GLMN: variants seen among roughly 807,000 people sequenced by gnomAD.
The protein encoded by GLMN is glomulin.
GLMN carries 75 observed loss-of-function variants against 87.8 expected under a neutral mutation model. The observed-to-expected ratio is 0.85, with a 90% CI of 0.71 to 1.04. The LOEUF (loss-of-function observed/expected upper bound fraction) is 1.04, where lower values mean the gene tolerates loss of function less well. Ranked by LOEUF, GLMN falls within the 50% of genes least tolerant of loss-of-function variation. GLMN has a pLI of 0.00. For synonymous variants in GLMN, 206 were observed against 221.6 expected (o/e 0.93, Z 0.63); for missense variants, 588 against 658.8 (o/e 0.89, Z 1.18).
intron 5 of GLMN, among the ~76,000 whole-genome samples, chr1:92,289,603 A>C (rs909099688): frequency 1.2e-4 from 19 of 152,284 alleles, no homozygotes; most frequent in African/African-American, 4.3e-4. Flanking sequence ...TCCCTCTATC[A>C]GATTGTGAGA....
intron 7 of GLMN, among the ~76,000 whole-genome samples, chr1:92,283,667 AG>A (rs1467512413): frequency 1.3e-5 from 2 of 152,226 alleles, no homozygotes; most frequent in African/African-American, 4.8e-5. Context: ...TTAGGAAAAG[AG>A]GAAGTCAAAT....
chr1:92,250,458 T>TAAG (rs541784967), intron 16 of GLMN, among the ~76,000 whole-genome samples: 284 of 152,338 alleles, frequency 1.9e-3, no homozygotes, highest in African/African-American at 6.4e-3. Flanking sequence ...GAATTTATCC[T>TAAG]AAGTTTTTAG....
intron 16 of GLMN, among the ~76,000 whole-genome samples, chr1:92,258,119 AAAG>A (rs1402426760): frequency 6.6e-6 from 1 of 152,242 alleles, no homozygotes. Context: ...ACACTTCTCA[AAAG>A]AAGATATTTA....
rs1403015591 is a variant in GLMN at position 92,266,505 on chromosome 1, A to G, written c.1141-13T>C. On this transcript the variant is annotated splice_polypyrimidine_tract_variant and intron_variant, in intron 12 of 18. Transcript: ENST00000370360. ...AACTCTTTTTCCTCTAAAATGGAACAAACAATATTATTATATAAAATGAAT... is the reference window on the plus strand; with the variant it reads ...AACTCTTTTTCCTCTAAAATGGAACGAACAATATTATTATATAAAATGAAT... 3 of 1,457,636 alleles carry G rather than the reference A, an allele frequency of 2.1e-6. No individual in the cohort carries two copies. The highest frequency in any genetic ancestry group is 2.9e-6 in the Non-Finnish European group (3 of 1,040,936). 90.3% of individuals were successfully genotyped at this position (1,457,636 alleles called of 1,614,324 possible).
intron 15 of GLMN, 137 bp from the exon 16 acceptor site, chr1:92,263,063 AG>A: frequency 1.9e-6 from 1 of 518,142 alleles, no homozygotes; most frequent in Non-Finnish European, 3.5e-6. Flanking sequence ...CTTTTTGAGT[AG>A]TAATAACTTA....
chr1:92,316,292 A>T, the GLMN span, among the ~76,000 whole-genome samples: 2 of 152,186 alleles, frequency 1.3e-5, no homozygotes, highest in South Asian at 4.1e-4. Flanking sequence ...CTGCAGAACA[A>T]CTATAACCTC....
chr1:92,336,519 TA>T, the GLMN span: 1 of 799,040 alleles, frequency 1.3e-6, no homozygotes, highest in Non-Finnish European at 2.1e-6. Flanking sequence ...GTAAGTGACT[TA>T]CCTTTCAATG....
chr1:92,302,128 A>G (rs183300477), upstream of GLMN, among the ~76,000 whole-genome samples: 121 of 152,178 alleles, frequency 8.0e-4, 1 homozygote, highest in African/African-American at 2.3e-3. Context: ...TAAAAATACA[A>G]AATTAGCCAG....
At chr1:92,288,643 C>T (rs571658247) in intron 6 of GLMN, among the ~76,000 whole-genome samples, 3 of 152,066 alleles carry the variant, frequency 2.0e-5, no homozygotes, top group African/African-American at 7.2e-5. Context: ...TGCCAAGGCT[C>T]GTCTCAAACT....
intron 16 of GLMN, among the ~76,000 whole-genome samples, chr1:92,256,369 TAGAA>T (rs1654251654): frequency 6.6e-6 from 1 of 151,626 alleles, no homozygotes; most frequent in African/African-American, 2.4e-5. Flanking sequence ...TTCCAAACAA[TAGAA>T]AAAGAGGGAC....
At chr1:92,270,375 A>T (rs1397357037) in intron 8 of GLMN, among the ~76,000 whole-genome samples, 2 of 152,210 alleles carry the variant, frequency 1.3e-5, no homozygotes, top group African/African-American at 2.4e-5. Flanking sequence ...AAGTAGTTAG[A>T]TCTTCAGTGG....
chr1:92,254,710 T>C (rs187048701), intron 16 of GLMN, among the ~76,000 whole-genome samples: 1 of 152,334 alleles, frequency 6.6e-6, no homozygotes, highest in Admixed American at 6.5e-5. Context: ...AAGGAAATGC[T>C]GAGAGATTTT....
At chr1:92,257,491 AAACT>A (rs1654420760) in intron 16 of GLMN, among the ~76,000 whole-genome samples, 2 of 152,354 alleles carry the variant, frequency 1.3e-5, no homozygotes, top group Middle Eastern at 3.4e-3. Flanking sequence ...ACCTGACTTC[AAACT>A]ATACTACAGG....
chr1:92,273,150 G>A (rs1656425280), intron 7 of GLMN, among the ~76,000 whole-genome samples: 1 of 152,140 alleles, frequency 6.6e-6, no homozygotes, highest in African/African-American at 2.4e-5. Context: ...CCAAGTATAA[G>A]TCTTTTCCAG....
At chr1:92,313,965 T>C in the GLMN span, among the ~76,000 whole-genome samples, 4 of 152,208 alleles carry the variant, frequency 2.6e-5, no homozygotes, top group Non-Finnish European at 4.4e-5. Flanking sequence ...CTCACCTCTC[T>C]CAGTCTTCAC....
upstream of GLMN, among the ~76,000 whole-genome samples, chr1:92,302,933 TCATACCTGTAATCC>T (rs1230326147): frequency 6.6e-6 from 1 of 151,458 alleles, no homozygotes; most frequent in Admixed American, 6.6e-5. Flanking sequence ...GCACGATGGC[TCATACCTGTAATCC>T]CAGCACTTTG....
chr1:92,301,317 C>G (rs1355610933), upstream of GLMN, among the ~76,000 whole-genome samples: 1 of 151,940 alleles, frequency 6.6e-6, no homozygotes, highest in East Asian at 1.9e-4. Flanking sequence ...GACCTTGTCT[C>G]TACAATTAAA....
At chr1:92,301,465 T>C (rs1380514091), upstream of GLMN, 2 of 1,479,248 alleles carry the variant, frequency 1.4e-6, no homozygotes, top group Non-Finnish European at 1.9e-6. Context: ...AGTTTCTCTT[T>C]CAAATTTTAG....
chr1:92,292,587 T>TG (rs1397899876), intron 3 of GLMN, among the ~76,000 whole-genome samples: 1 of 66,198 alleles, frequency 1.5e-5, no homozygotes, highest in Non-Finnish European at 3.0e-5. Flanking sequence ...ATTTTTTGCC[T>TG]TTTTTTTTTT....
Sources: gnomAD v4.1 joint callset for allele counts (sites outside exome capture counted in the v4.1 genomes callset) on GRCh38, gnomAD v4.1.1 for gene constraint, MANE v1.5 for transcripts, NCBI Gene and HGNC (gene_info 2026-07-23, HGNC 2026-07-21) for gene names.